The following ATG10 variants were observed in gnomAD, a reference collection of about 807,000 sequenced individuals.
ATG10 encodes ubiquitin-like-conjugating enzyme ATG10.
Under a neutral mutation model 32.1 loss-of-function variants are expected in ATG10, and 30 were observed. The ratio of observed to expected loss-of-function variants is 0.94; its 90% CI spans 0.70 to 1.27. ATG10 has a LOEUF of 1.27. Ranked by LOEUF, ATG10 falls within the 50% of genes most tolerant of loss-of-function variation. The pLI is 0.00. For missense variants in ATG10, 233 were observed against 262.3 expected, an observed-to-expected ratio of 0.89 and a Z score of 0.77; for synonymous variants, 87 against 91.5, an observed-to-expected ratio of 0.95 and a Z score of 0.28.
intron 3 of ATG10, among the ~76,000 whole-genome samples, chr5:82,140,714 T>TG (rs1767082739): frequency 3.3e-5 from 1 of 30,002 alleles, no homozygotes; most frequent in Non-Finnish European, 7.0e-5. Flanking sequence ...CCACCCCGTC[T>TG]GGGAGGTGTA....
At chr5:82,043,225 T>C (rs965065033) in intron 2 of ATG10, among the ~76,000 whole-genome samples, 4 of 152,202 alleles carry the variant, frequency 2.6e-5, no homozygotes, top group African/African-American at 9.6e-5. Flanking sequence ...AGGCTTGGGA[T>C]TTGCACCCTC....
chr5:81,988,830 TTTTTG>T (rs1014452995), intron 2 of ATG10, among the ~76,000 whole-genome samples: 4 of 152,152 alleles, frequency 2.6e-5, no homozygotes, highest in Non-Finnish European at 5.9e-5. Context: ...AAAAACTGTT[TTTTTG>T]TTTTGTTTTG....
At chr5:82,164,817 A>T (rs374105899) in intron 4 of ATG10, among the ~76,000 whole-genome samples, 1 of 152,152 alleles carries the variant, frequency 6.6e-6, no homozygotes, top group African/African-American at 2.4e-5. Flanking sequence ...TCTTTACTTT[A>T]AACAAGTAGG....
intron 5 of ATG10, among the ~76,000 whole-genome samples, chr5:82,248,990 G>C (rs142622462): frequency 1.8e-3 from 279 of 151,974 alleles, no homozygotes; most frequent in African/African-American, 6.4e-3. Flanking sequence ...AAATGCTTAA[G>C]CTATTCTAAA....
chr5:82,143,605 G>C (rs555063955), intron 3 of ATG10, among the ~76,000 whole-genome samples: 1 of 152,202 alleles, frequency 6.6e-6, no homozygotes, highest in African/African-American at 2.4e-5. Flanking sequence ...GTTTGTGTTC[G>C]TGCAGACTGT....
chr5:82,229,604 A>G (rs1471918170), intron 5 of ATG10, among the ~76,000 whole-genome samples: 1 of 152,196 alleles, frequency 6.6e-6, no homozygotes, highest in Non-Finnish European at 1.5e-5. Flanking sequence ...AGCTTTTTAG[A>G]GAAGTGGTGT....
At chr5:82,220,229 GA>G (rs894472868) in intron 5 of ATG10, among the ~76,000 whole-genome samples, 12 of 152,112 alleles carry the variant, frequency 7.9e-5, no homozygotes, top group African/African-American at 2.9e-4. Context: ...GAGCATGGCA[GA>G]AGGTCAGGGA....
chr5:82,038,261 C>A (rs1190137957), intron 2 of ATG10, among the ~76,000 whole-genome samples: 1 of 152,182 alleles, frequency 6.6e-6, no homozygotes, highest in African/African-American at 2.4e-5. Flanking sequence ...CTAGAATCTT[C>A]TGAGGAGACT....
chr5:82,157,264 G>A (rs574438489), intron 3 of ATG10, among the ~76,000 whole-genome samples: 7 of 152,264 alleles, frequency 4.6e-5, no homozygotes, highest in African/African-American at 1.7e-4. Flanking sequence ...ATCAGTAGTA[G>A]TAGTGATAAT....
intron 2 of ATG10, among the ~76,000 whole-genome samples, chr5:82,022,629 C>CTT (rs34410757): frequency 0.024 from 3,244 of 135,156 alleles, 114 homozygotes; most frequent in East Asian, 0.13. Flanking sequence ...AGCCAGTACT[C>CTT]TTTTTTTTTT....
chr5:82,200,463 C>CTTTT lies in ATG10; in HGVS notation c.453+21901_453+21904dup, dbSNP rs764388608. 9.3e-4 allele frequency among the ~76,000 whole-genome samples: 49 copies of CTTTT among 52,560 alleles called. 8 individuals carry two copies. Among genetic ancestry groups the CTTTT allele is most frequent in the East Asian group, 3.2e-3 (6 of 1,884 alleles). 34.5% of individuals were successfully genotyped at this position (52,560 alleles called of 152,430 possible). ...ATCTTTTCAAATCTTTCCCTAACTT[C>CTTTT]TTTTTTTTTTTTTTTTTTTTTTTTT... On this transcript the variant is annotated intron_variant, in intron 5 of 7. Transcript: ENST00000282185.
At chr5:82,011,586 C>G (rs915338428) in intron 2 of ATG10, among the ~76,000 whole-genome samples, 2 of 152,204 alleles carry the variant, frequency 1.3e-5, no homozygotes, top group African/African-American at 4.8e-5. Context: ...TCTTTTGAGC[C>G]TGGCTTCGTT....
At chr5:82,157,587 C>G (rs1218759306) in intron 3 of ATG10, among the ~76,000 whole-genome samples, 1 of 152,188 alleles carries the variant, frequency 6.6e-6, no homozygotes, top group Admixed American at 6.5e-5. Flanking sequence ...TAAGGTCCCA[C>G]AGATTATTTT....
At chr5:82,096,295 A>G (rs961857465) in intron 3 of ATG10, among the ~76,000 whole-genome samples, 1 of 152,176 alleles carries the variant, frequency 6.6e-6, no homozygotes, top group Non-Finnish European at 1.5e-5. Flanking sequence ...TGCAGATGTC[A>G]ATTTAAGCCA....
intron 3 of ATG10, among the ~76,000 whole-genome samples, chr5:82,084,276 T>TAGAGTAAAA: frequency 6.6e-6 from 1 of 152,178 alleles, no homozygotes; most frequent in Non-Finnish European, 1.5e-5. Context: ...AAGAGAAGTT[T>TAGAGTAAAA]AGAGTAAAAA....
At chr5:82,066,595 C>CA (rs1278071710) in intron 3 of ATG10, among the ~76,000 whole-genome samples, 1 of 151,864 alleles carries the variant, frequency 6.6e-6, no homozygotes, top group Admixed American at 6.5e-5. Flanking sequence ...AGGCCCTCGA[C>CA]AAAAAACAAC....
At chr5:82,050,399 A>T (rs1035851624) in intron 2 of ATG10, among the ~76,000 whole-genome samples, 14 of 151,926 alleles carry the variant, frequency 9.2e-5, no homozygotes, top group Non-Finnish European at 1.6e-4. Flanking sequence ...TCTACCTCCC[A>T]CATTCCTTCC....
chr5:82,204,137 C>A (rs1303088665), intron 5 of ATG10, among the ~76,000 whole-genome samples: 1 of 152,154 alleles, frequency 6.6e-6, no homozygotes, highest in Admixed American at 6.5e-5. Flanking sequence ...ACTGGCAATT[C>A]AGTTATTTTT....
intron 1 of ATG10, among the ~76,000 whole-genome samples, chr5:81,982,360 G>A (rs1327555915): frequency 1.3e-5 from 2 of 152,138 alleles, no homozygotes; most frequent in Non-Finnish European, 2.9e-5. Flanking sequence ...CAGCTACTTG[G>A]GATGCTGAGT....
Sources: allele counts gnomAD v4.1 joint callset (sites outside exome capture counted in the v4.1 genomes callset), GRCh38; gene constraint gnomAD v4.1.1; transcripts MANE v1.5; gene names NCBI Gene and HGNC (gene_info 2026-07-23, HGNC 2026-07-21).